SYT9: variants seen among roughly 807,000 people sequenced by gnomAD.
SYT9 encodes synaptotagmin-9.
Under a neutral mutation model 48.4 loss-of-function variants are expected in SYT9, and 22 were observed. That is an observed-to-expected ratio of 0.45 (90% CI 0.32 to 0.65). SYT9 has a LOEUF of 0.65. Among genes scored for constraint, SYT9 ranks in the 30% least tolerant of loss-of-function variants. The pLI, the probability that SYT9 is intolerant of heterozygous loss-of-function variation, is 0.03. For missense variants in SYT9, 577 were observed against 622.0 expected (o/e 0.93, Z 0.77); for synonymous variants, 265 against 245.0 (o/e 1.08, Z -0.76).
chr11:7,394,693 A>G (rs951118236), intron 3 of SYT9, among the ~76,000 whole-genome samples: 1 of 151,970 alleles, frequency 6.6e-6, no homozygotes, highest in African/African-American at 2.4e-5. Context: ...TTCTGCTATG[A>G]TTTTAGCCAT....
At chr11:7,306,187 A>G (rs1027444961) in intron 2 of SYT9, among the ~76,000 whole-genome samples, 1 of 152,180 alleles carries the variant, frequency 6.6e-6, no homozygotes, top group African/African-American at 2.4e-5. Context: ...TTTTAATTCC[A>G]GAGCTTTATA....
chr11:7,340,826 G>C (rs1195588487), intron 3 of SYT9, among the ~76,000 whole-genome samples: 1 of 152,214 alleles, frequency 6.6e-6, no homozygotes. Context: ...GGGAATAGTG[G>C]AGTCTTAGGC....
intron 3 of SYT9, among the ~76,000 whole-genome samples, chr11:7,406,345 C>T (rs1341890547): frequency 2.6e-5 from 4 of 152,030 alleles, no homozygotes; most frequent in African/African-American, 9.7e-5. Context: ...TTCCTACCCT[C>T]TGGTATCTAC....
At chr11:7,246,661 T>C (rs886184865) in intron 1 of SYT9, among the ~76,000 whole-genome samples, 1 of 152,210 alleles carries the variant, frequency 6.6e-6, no homozygotes, top group Non-Finnish European at 1.5e-5. Flanking sequence ...TGTCTACTGC[T>C]GCATTAAAAG....
chr11:7,278,232 CT>C (rs1848433666), intron 1 of SYT9, among the ~76,000 whole-genome samples: 1 of 152,156 alleles, frequency 6.6e-6, no homozygotes, highest in South Asian at 2.1e-4. Flanking sequence ...ATCACTTCCC[CT>C]CCCATGATAA....
intron 1 of SYT9, among the ~76,000 whole-genome samples, chr11:7,275,727 C>T (rs533474683): frequency 6.6e-6 from 1 of 152,290 alleles, no homozygotes; most frequent in East Asian, 1.9e-4. Flanking sequence ...GAAGGAGCCT[C>T]TAAATCAATG....
intron 3 of SYT9, among the ~76,000 whole-genome samples, chr11:7,405,060 A>C (rs2134079968): frequency 6.6e-6 from 1 of 151,370 alleles, no homozygotes; most frequent in East Asian, 1.9e-4. Flanking sequence ...AGCTGTCAGT[A>C]ACACTTCTTC....
intron 6 of SYT9, chr11:7,427,703 CAAAATGAAGAA>C: frequency 6.6e-6 from 1 of 152,096 alleles, no homozygotes; most frequent in South Asian, 2.1e-4. Context: ...TATTTTTTGA[CAAAATGAAGAA>C]ATTATTCTTC....
At chr11:7,458,229 C>A (rs1848181486) in intron 6 of SYT9, among the ~76,000 whole-genome samples, 1 of 152,170 alleles carries the variant, frequency 6.6e-6, no homozygotes, top group South Asian at 2.1e-4. Context: ...ACCTGTAATC[C>A]CAGCGCTTTG....
At chr11:7,328,797 A>G (rs961693516) in intron 3 of SYT9, among the ~76,000 whole-genome samples, 7 of 152,118 alleles carry the variant, frequency 4.6e-5, no homozygotes, top group African/African-American at 1.4e-4. Context: ...TAGCCCTCTC[A>G]GTTTTTACTT....
At chr11:7,427,007 G>A (rs74873178) in intron 6 of SYT9, among the ~76,000 whole-genome samples, 6,509 of 152,028 alleles carry the variant, frequency 0.043, 194 homozygotes, top group Non-Finnish European at 0.062. Context: ...AATATATGGC[G>A]TTTATTCAAT....
At chr11:7,370,987 T>C (rs116026511) in intron 3 of SYT9, among the ~76,000 whole-genome samples, 3,528 of 152,272 alleles carry the variant, frequency 0.023, 92 homozygotes, top group African/African-American at 0.06. Context: ...TTCCATATTT[T>C]TGAGATACTT....
chr11:7,279,175 A>C (rs990155601), intron 1 of SYT9, among the ~76,000 whole-genome samples: 2 of 152,148 alleles, frequency 1.3e-5, no homozygotes, highest in Admixed American at 1.3e-4. Context: ...CTTGGTGTCC[A>C]TCTCTGGCAA....
At chr11:7,390,912 T>C (rs771351228) in intron 3 of SYT9, among the ~76,000 whole-genome samples, 1 of 152,152 alleles carries the variant, frequency 6.6e-6, no homozygotes, top group Non-Finnish European at 1.5e-5. Flanking sequence ...GGGCTTCTAT[T>C]GGTCCTGTCA....
At chr11:7,244,055 A>G (rs543486174) in intron 1 of SYT9, among the ~76,000 whole-genome samples, 1 of 152,224 alleles carries the variant, frequency 6.6e-6, no homozygotes, top group East Asian at 1.9e-4. Context: ...CTTGTTCTGA[A>G]ACGATGAACA....
At chr11:7,361,588 AT>A (rs1850137953) in intron 3 of SYT9, among the ~76,000 whole-genome samples, 1 of 152,152 alleles carries the variant, frequency 6.6e-6, no homozygotes, top group East Asian at 1.9e-4. Flanking sequence ...ATTATTATAT[AT>A]TTTGTCTGCT....
intron 6 of SYT9, among the ~76,000 whole-genome samples, chr11:7,441,969 C>T (rs940263971): frequency 4.6e-5 from 7 of 152,102 alleles, no homozygotes; most frequent in African/African-American, 1.7e-4. Flanking sequence ...CCTGTTTCTT[C>T]TCATGACAAC....
intron 1 of SYT9, among the ~76,000 whole-genome samples, chr11:7,246,571 A>G (rs1847795337): frequency 1.3e-5 from 2 of 152,202 alleles, no homozygotes; most frequent in South Asian, 4.1e-4. Context: ...ATAATTGCAG[A>G]AGAACAGAGG....
At chr11:7,241,670 G>A (rs1847742013) in intron 1 of SYT9, among the ~76,000 whole-genome samples, 1 of 152,232 alleles carries the variant, frequency 6.6e-6, no homozygotes, top group Non-Finnish European at 1.5e-5. Context: ...AATAACAACA[G>A]CACAGAGTGT....
Sources: gnomAD v4.1 joint callset for allele counts (sites outside exome capture counted in the v4.1 genomes callset) on GRCh38, gnomAD v4.1.1 for gene constraint, MANE v1.5 for transcripts, NCBI Gene and HGNC (gene_info 2026-07-23, HGNC 2026-07-21) for gene names.